ZBTB20: variants seen among roughly 807,000 people sequenced by gnomAD.
ZBTB20 encodes zinc finger and BTB domain-containing protein 20.
A neutral mutation model predicts 56.9 loss-of-function variants in ZBTB20; 9 were observed. The ratio of observed to expected loss-of-function variants is 0.16; its 90% CI spans 0.10 to 0.28. The LOEUF (loss-of-function observed/expected upper bound fraction) is 0.28, where lower values mean the gene tolerates loss of function less well. Among genes scored for constraint, ZBTB20 ranks in the 10% least tolerant of loss-of-function variants. The probability of loss-of-function intolerance (pLI) is 1.00; values close to 1 mark genes in which losing one functional copy is unlikely to be tolerated. For missense variants in ZBTB20, 655 were observed against 1,003.0 expected, an observed-to-expected ratio of 0.65 and a Z score of 4.69; for synonymous variants, 417 against 420.7, an observed-to-expected ratio of 0.99 and a Z score of 0.11.
At chr3:114,609,250 T>G (rs2057378728) in intron 6 of ZBTB20, among the ~76,000 whole-genome samples, 2 of 152,220 alleles carry the variant, frequency 1.3e-5, no homozygotes, top group Non-Finnish European at 2.9e-5. Flanking sequence ...TCACTTCTTT[T>G]GCAACAATTC....
intron 7 of ZBTB20, among the ~76,000 whole-genome samples, chr3:114,489,947 T>C (rs2042553414): frequency 6.6e-6 from 1 of 152,216 alleles, no homozygotes; most frequent in Non-Finnish European, 1.5e-5. Context: ...ATCTTTCTTC[T>C]GTTGGAAGTT....
At chr3:114,548,298 T>C (rs1196853756) in intron 6 of ZBTB20, among the ~76,000 whole-genome samples, 1 of 152,190 alleles carries the variant, frequency 6.6e-6, no homozygotes, top group East Asian at 1.9e-4. Flanking sequence ...TGGGCTCTGT[T>C]CATCCTCAAT....
chr3:114,662,038 A>C (rs1458846990), intron 6 of ZBTB20, among the ~76,000 whole-genome samples: 1 of 144,084 alleles, frequency 6.9e-6, no homozygotes. Flanking sequence ...ATATCTCCCA[A>C]TGCTATCCCT....
chr3:114,405,559 C>G (rs1267477386), intron 7 of ZBTB20, among the ~76,000 whole-genome samples: 1 of 152,024 alleles, frequency 6.6e-6, no homozygotes, highest in Non-Finnish European at 1.5e-5. Flanking sequence ...TATATGTATA[C>G]AATTTTATTT....
At chr3:114,968,274 GT>G (rs2077730677) in intron 3 of ZBTB20, among the ~76,000 whole-genome samples, 1 of 152,132 alleles carries the variant, frequency 6.6e-6, no homozygotes, top group South Asian at 2.1e-4. Flanking sequence ...ATTAATGGCT[GT>G]TATGTCAAAC....
chr3:114,731,815 G>C (rs2065777467), intron 5 of ZBTB20, among the ~76,000 whole-genome samples: 1 of 149,224 alleles, frequency 6.7e-6, no homozygotes. Flanking sequence ...AACTAATCCG[G>C]CTGTGCCTAG....
At chr3:114,581,086 T>C (rs1230059817) in intron 6 of ZBTB20, among the ~76,000 whole-genome samples, 2 of 151,892 alleles carry the variant, frequency 1.3e-5, no homozygotes, top group African/African-American at 2.4e-5. Context: ...AGTACAAGGA[T>C]AGAAAAACAG....
chr3:115,146,947 G>A (rs1317253066), intron 1 of ZBTB20, among the ~76,000 whole-genome samples: 1 of 150,894 alleles, frequency 6.6e-6, no homozygotes, highest in African/African-American at 2.4e-5. Flanking sequence ...GGTCGGGCGA[G>A]GCAGCCGCCG....
At chr3:114,764,461 G>A (rs1243315842) in intron 5 of ZBTB20, among the ~76,000 whole-genome samples, 1 of 152,136 alleles carries the variant, frequency 6.6e-6, no homozygotes, top group Admixed American at 6.6e-5. Context: ...TAGCAGCTTG[G>A]GGTGCAGGCC....
chr3:115,100,944 C>G (rs953140590), intron 1 of ZBTB20, among the ~76,000 whole-genome samples: 4 of 152,164 alleles, frequency 2.6e-5, no homozygotes, highest in Non-Finnish European at 4.4e-5. Context: ...AAGAAGAAAT[C>G]ATTGCTCAGT....
chr3:114,395,485 T>G (rs1156348621), intron 7 of ZBTB20, among the ~76,000 whole-genome samples: 1 of 152,156 alleles, frequency 6.6e-6, no homozygotes, highest in African/African-American at 2.4e-5. Context: ...AAGTAGCTCA[T>G]CAACCTGTTA....
At chr3:114,965,346 T>G (rs978884876) in intron 3 of ZBTB20, among the ~76,000 whole-genome samples, 2 of 152,190 alleles carry the variant, frequency 1.3e-5, no homozygotes, top group South Asian at 4.1e-4. Context: ...TTTTTAAGTA[T>G]AGAGTATATT....
intron 7 of ZBTB20, among the ~76,000 whole-genome samples, chr3:114,499,106 A>G (rs2043636581): frequency 6.6e-6 from 1 of 152,218 alleles, no homozygotes; most frequent in Non-Finnish European, 1.5e-5. Flanking sequence ...AGTGGTAACC[A>G]TAAGCATGCA....
intron 10 of ZBTB20, among the ~76,000 whole-genome samples, chr3:114,366,528 CAT>C (rs2082419443): frequency 6.6e-6 from 1 of 152,180 alleles, no homozygotes; most frequent in South Asian, 2.1e-4. Flanking sequence ...AGGAATACTG[CAT>C]ATGAGATGCA....
chr3:115,062,951 C>T (rs1408809667), intron 2 of ZBTB20, among the ~76,000 whole-genome samples: 1 of 152,132 alleles, frequency 6.6e-6, no homozygotes, highest in Non-Finnish European at 1.5e-5. Flanking sequence ...TATGATTATA[C>T]CTACCAAACC....
chr3:114,544,485 TTCAC>T (rs1256612994), intron 6 of ZBTB20, among the ~76,000 whole-genome samples: 24 of 131,024 alleles, frequency 1.8e-4, no homozygotes, highest in Middle Eastern at 4.3e-3. Flanking sequence ...TTCTTTTTCT[TTCAC>T]TTTCTTTCTT....
chr3:114,530,814 C>T (rs1323668116), intron 6 of ZBTB20, among the ~76,000 whole-genome samples: 1 of 152,056 alleles, frequency 6.6e-6, no homozygotes, highest in South Asian at 2.1e-4. Flanking sequence ...CTCATCACTG[C>T]CCCTCCCTGA....
At chr3:115,022,689 A>G (rs983380567) in intron 2 of ZBTB20, among the ~76,000 whole-genome samples, 2 of 150,978 alleles carry the variant, frequency 1.3e-5, no homozygotes, top group Non-Finnish European at 3.0e-5. Flanking sequence ...CTAAGGCTGT[A>G]ACTATCTGTT....
intron 2 of ZBTB20, among the ~76,000 whole-genome samples, chr3:115,041,368 T>C (rs552107525): frequency 3.3e-5 from 5 of 152,244 alleles, no homozygotes; most frequent in South Asian, 4.2e-4. Context: ...TAATAAATAA[T>C]AGTACCAAAA....
Sources: gnomAD v4.1 joint callset for allele counts (sites outside exome capture counted in the v4.1 genomes callset) on GRCh38, gnomAD v4.1.1 for gene constraint, MANE v1.5 for transcripts, NCBI Gene and HGNC (gene_info 2026-07-23, HGNC 2026-07-21) for gene names.